The following BRSK2 variants were observed in gnomAD, a reference collection of about 807,000 sequenced individuals.
BRSK2 encodes serine/threonine-protein kinase BRSK2.
In BRSK2, 19 loss-of-function variants were observed where a neutral mutation model predicts 83.3. The ratio of observed to expected loss-of-function variants is 0.23; its 90% confidence interval spans 0.16 to 0.33. BRSK2 has a LOEUF of 0.33. Among genes scored for constraint, BRSK2 ranks in the 10% least tolerant of loss-of-function variants. The pLI is 1.00. For synonymous variants in BRSK2, 519 were observed against 435.4 expected, an observed-to-expected ratio of 1.19 and a Z score of -2.39; for missense variants, 798 against 1,042.3, an observed-to-expected ratio of 0.77 and a Z score of 3.23.
chr11:1,396,736 T>C (rs1446216704), intron 1 of BRSK2, among the ~76,000 whole-genome samples: 2 of 152,232 alleles, frequency 1.3e-5, no homozygotes, highest in Non-Finnish European at 2.9e-5. Context: ...GCAGCCCTGC[T>C]GGGCAGCCGG....
At chr11:1,443,279 C>G (rs1851603481) in intron 6 of BRSK2, 56 bp from the exon 7 acceptor site, 3 of 1,550,574 alleles carry the variant, frequency 1.9e-6, no homozygotes, top group Admixed American at 3.8e-5. Flanking sequence ...CCCAGGCCCT[C>G]CAAGGCCCCC....
chr11:1,399,619 C>T (rs1053926139), intron 1 of BRSK2, among the ~76,000 whole-genome samples: 3 of 152,192 alleles, frequency 2.0e-5, no homozygotes, highest in African/African-American at 2.4e-5. Context: ...GCTGTCCCCC[C>T]AGGGCTCTGG....
chr11:1,451,337 C>T (rs1395579690), intron 14 of BRSK2, 34 bp from the exon 15 acceptor site: 1 of 1,612,488 alleles, frequency 6.2e-7, no homozygotes. Flanking sequence ...GAGCGGTCAC[C>T]ACGCCTTTCC....
intron 1 of BRSK2, among the ~76,000 whole-genome samples, chr11:1,401,188 A>G (rs1170758416): frequency 6.6e-6 from 1 of 152,202 alleles, no homozygotes; most frequent in African/African-American, 2.4e-5. Flanking sequence ...TCCCGTCTTC[A>G]CAGAGTTCTC....
intron 1 of BRSK2, among the ~76,000 whole-genome samples, chr11:1,393,085 A>G (rs1287554556): frequency 2.0e-5 from 3 of 152,152 alleles, no homozygotes; most frequent in African/African-American, 7.2e-5. Flanking sequence ...GGGCTGAGAA[A>G]GGCTTGTGTA....
intron 1 of BRSK2, among the ~76,000 whole-genome samples, chr11:1,421,744 G>T (rs1377134339): frequency 7.2e-5 from 11 of 151,892 alleles, no homozygotes; most frequent in Non-Finnish European, 4.4e-5. Flanking sequence ...CATAGAGCCT[G>T]GGTGCCCCCA....
rs1009642795 is a variant in BRSK2, at chr11:1,390,677, C to A, written c.91+302C>A. On this transcript the variant is annotated intron_variant, in intron 1 of 19. Coordinates refer to ENST00000528841, the MANE Select transcript of BRSK2 (RefSeq NM_001256627.2). This position sits in a 1 kb window ranked among gnomAD's most constrained non-coding sequence, Gnocchi z 6.8. ...CTCGGGCCCCGCTGCAGGTGCGCGG[C>A]CCGGGCCGCATTGTGCGCCCCAGCG... Among the ~76,000 whole-genome samples, 1 of 149,408 alleles carries A rather than the reference C, an allele frequency of 6.7e-6. No homozygotes were observed. The highest frequency in any genetic ancestry group is 1.5e-5 in the Non-Finnish European group (1 of 67,118).
intron 1 of BRSK2, among the ~76,000 whole-genome samples, chr11:1,422,509 G>A (rs1032271354): frequency 2.0e-5 from 3 of 152,140 alleles, no homozygotes; most frequent in Non-Finnish European, 4.4e-5. Context: ...GGTGCAGAGG[G>A]GCCTGTGCAC....
chr11:1,417,256 A>G (rs939345511), intron 1 of BRSK2, among the ~76,000 whole-genome samples: 15 of 152,204 alleles, frequency 9.9e-5, no homozygotes, highest in African/African-American at 3.4e-4. Flanking sequence ...AGGGGGCTCC[A>G]TAGGCACCTG....
At chr11:1,408,534 A>G (rs2134092525) in intron 1 of BRSK2, among the ~76,000 whole-genome samples, 1 of 152,246 alleles carries the variant, frequency 6.6e-6, no homozygotes, top group Admixed American at 6.5e-5. Context: ...CCTGAGTGCT[A>G]TGGCCACTCC....
intron 13 of BRSK2, among the ~76,000 whole-genome samples, chr11:1,450,103 A>C (rs981139784): frequency 1.0e-4 from 15 of 144,220 alleles, no homozygotes; most frequent in African/African-American, 2.1e-4. Context: ...CTGCCTCCCC[A>C]CCCTCCCGCT....
At chr11:1,435,707 C>A (rs528162723) in intron 1 of BRSK2, among the ~76,000 whole-genome samples, 8 of 150,198 alleles carry the variant, frequency 5.3e-5, no homozygotes, top group African/African-American at 2.0e-4. Context: ...GCAGGCACCT[C>A]GAGGGCACCC....
chr11:1,401,673 G>A (rs542944556), intron 1 of BRSK2, among the ~76,000 whole-genome samples: 69 of 152,386 alleles, frequency 4.5e-4, no homozygotes, highest in African/African-American at 1.6e-3. Flanking sequence ...CTGCTCTGCT[G>A]CGTCGTGCCA....
At position 1,461,400 on chromosome 11, in the gene BRSK2, C is replaced by T. The variant is rs1191027172; in HGVS notation, c.*677C>T. 1.9e-5 allele frequency: 5 copies of T among 261,322 alleles called. No individual in the cohort carries two copies. In the Admixed American group the frequency reaches 2.3e-4, roughly 12 times the overall value. 16.2% of individuals were successfully genotyped at this position (261,322 alleles called of 1,614,324 possible). A position where few individuals can be genotyped will look rare whatever the true frequency, so the allele number is the denominator to read the frequency against. ...GCCTCCTCAGGCTGCCTCCCGTCCT[C>T]TCGTCTCACCCGCGCCTCCCTTGCC... On this transcript the variant is annotated 3_prime_UTR_variant, in exon 20 of 20. Coordinates refer to ENST00000528841, the MANE Select transcript of BRSK2 (RefSeq NM_001256627.2).
At chr11:1,445,941 C>T in intron 12 of BRSK2, 34 bp downstream of exon 12, 2 of 1,577,806 alleles carry the variant, frequency 1.3e-6, no homozygotes, top group Non-Finnish European at 1.7e-6. Flanking sequence ...GGCCTCCCTC[C>T]CTGGGCCCTG....
chr11:1,422,312 C>G (rs547801907), intron 1 of BRSK2, among the ~76,000 whole-genome samples: 113 of 152,286 alleles, frequency 7.4e-4, no homozygotes, highest in Non-Finnish European at 8.8e-5. Flanking sequence ...GGGGCCTGCC[C>G]TCCTCCAGCC....
intron 1 of BRSK2, among the ~76,000 whole-genome samples, chr11:1,407,095 T>A (rs1380288882): frequency 1.3e-5 from 2 of 152,032 alleles, no homozygotes; most frequent in Non-Finnish European, 2.9e-5. Flanking sequence ...TGGTAGCCAT[T>A]CCCTGGGCTG....
intron 12 of BRSK2, among the ~76,000 whole-genome samples, chr11:1,447,051 T>C (rs747433002): frequency 6.6e-6 from 1 of 152,030 alleles, no homozygotes; most frequent in African/African-American, 2.4e-5. Context: ...TCCCAGGCCA[T>C]GGCCCCCTGG....
chr11:1,392,360 CCA>C (rs1387335830), intron 1 of BRSK2, among the ~76,000 whole-genome samples: 1 of 152,362 alleles, frequency 6.6e-6, no homozygotes, highest in Non-Finnish European at 1.5e-5. Flanking sequence ...AGGGACCTGG[CCA>C]CAGGGGAGCT....
Sources: allele counts gnomAD v4.1 joint callset (sites outside exome capture counted in the v4.1 genomes callset), GRCh38; gene constraint gnomAD v4.1.1; non-coding constraint Gnocchi (gnomAD v3.1); transcripts MANE v1.5; gene names NCBI Gene and HGNC (gene_info 2026-07-23, HGNC 2026-07-21).